The following MAST2 variants were observed in gnomAD, a reference collection of about 807,000 sequenced individuals.
MAST2 encodes the protein microtubule associated serine/threonine kinase 2, also known as microtubule-associated serine/threonine-protein kinase 2.
A neutral mutation model predicts 147.4 loss-of-function variants in MAST2; 70 were observed. The observed-to-expected ratio is 0.47, with a 90% confidence interval of 0.39 to 0.58. MAST2 has a LOEUF of 0.58. MAST2 is among the 20% of genes least tolerant of loss of function. The pLI is 0.00. For synonymous variants in MAST2, 869 were observed against 896.8 expected (o/e 0.97, Z 0.55); for missense variants, 2,080 against 2,302.3 (o/e 0.90, Z 1.98).
At chr1:46,020,094 G>A (rs1646123583) in intron 11 of MAST2, among the ~76,000 whole-genome samples, 2 of 152,230 alleles carry the variant, frequency 1.3e-5, no homozygotes, top group African/African-American at 4.8e-5. Context: ...CACAGTCTCT[G>A]ATCTTGGGAT....
At chr1:45,869,911 TTTTG>T (rs58270514) in intron 3 of MAST2, among the ~76,000 whole-genome samples, 65 of 150,922 alleles carry the variant, frequency 4.3e-4, no homozygotes, top group Non-Finnish European at 6.6e-4. Context: ...CCTGTGATTC[TTTTG>T]TTTGTTTGTT....
intron 3 of MAST2, among the ~76,000 whole-genome samples, chr1:45,834,516 G>A (rs569289164): frequency 6.6e-6 from 1 of 152,216 alleles, no homozygotes; most frequent in East Asian, 1.9e-4. Context: ...CCCAGGGCAT[G>A]TTCTAAAACA....
At position 45,997,625 on chromosome 1, in the gene MAST2, A is replaced by G. The variant is rs956547444; in HGVS notation, c.593-99A>G. On this transcript the variant is annotated intron_variant, in intron 5 of 28. Transcript: ENST00000361297. ...ATAGTGGCCCTGAGAAAATAACCAT[A>G]TAATTGCCAGTGCTAGGGGAATATT... 4.8e-6 allele frequency: 4 copies of G among 830,878 alleles called. No homozygotes were observed. In the African/African-American group the frequency reaches 5.0e-5, roughly 10 times the overall value. The allele number at this position is 830,878 out of a possible 1,614,324, so 51.5% of individuals were successfully genotyped here.
Position 46,022,069 on chromosome 1 carries a change from G to A in MAST2, c.1410G>A (p.Arg470=), listed in dbSNP as rs1646208653. ...TCGTTAGCCAGCTGGGCCTCACCCG[G>A]GATCCCCTAGAAGGTGAGCATGCTG... ...RYIVSQLGLT[R]DPLEEMAQLS... is the part of the protein sequence containing the mutation. Residue 470 remains arginine (R), a synonymous_variant, in exon 12 of 29, where the codon CGG becomes CGA. Coordinates refer to ENST00000361297, the MANE Select transcript of MAST2 (RefSeq NM_015112.3). The A allele has an allele frequency of 1.2e-6, 2 of 1,613,986 alleles. No individual in the cohort carries two copies. The highest frequency in any genetic ancestry group is 1.3e-5 in the African/African-American group (1 of 74,918).
chr1:45,937,309 T>G (rs1285723424), intron 4 of MAST2, among the ~76,000 whole-genome samples: 1 of 151,996 alleles, frequency 6.6e-6, no homozygotes. Flanking sequence ...CATTACTTTT[T>G]TTTTCTAGAA....
Position 46,031,567 on chromosome 1 carries a change from T to G in MAST2, c.3169T>G (p.Ser1057Ala). The change falls in exon 24 of 29, where the codon TCA becomes GCA. Residue 1057 changes from serine (S) to alanine (A), a missense_variant. Ser to Ala is a moderately conservative substitution (Grantham distance 99). This residue lies in a region of MAST2 where 1,278 missense variants were observed against 1,304.2 expected (regional missense o/e 0.98). Coordinates refer to ENST00000361297, the MANE Select transcript of MAST2 (RefSeq NM_015112.3). This position sits in a 1 kb window ranked among gnomAD's most constrained non-coding sequence, Gnocchi z 4.1. The part of the protein sequence containing the change: ...VIKSASATAL[S>A]LLIPSEHHTC... ...CAAGTCCGCCTCAGCCACAGCCCTCTCACTCCTCATTCCTTCGGGTGAGGC... is the reference window on the plus strand; with the variant it reads ...CAAGTCCGCCTCAGCCACAGCCCTCGCACTCCTCATTCCTTCGGGTGAGGC... The G allele has an allele frequency of 6.2e-7, 1 of 1,613,308 alleles. No individual in the cohort carries two copies. Among genetic ancestry groups the G allele is most frequent in the Non-Finnish European group, 8.5e-7 (1 of 1,179,314 alleles).
intron 4 of MAST2, among the ~76,000 whole-genome samples, chr1:45,954,060 C>T (rs1243413278): frequency 2.0e-5 from 3 of 152,106 alleles, no homozygotes; most frequent in Non-Finnish European, 2.9e-5. Context: ...CTTACTGAAA[C>T]AGAAGTGATC....
At chr1:45,804,130 T>G in intron 1 of MAST2, 58 bp downstream of exon 1, 8 of 1,252,176 alleles carry the variant, frequency 6.4e-6, no homozygotes, top group East Asian at 3.3e-5. Context: ...GGGGAGGGGA[T>G]CTTCGGCGGG....
chr1:45,956,693 G>T (rs1659706908), intron 4 of MAST2, among the ~76,000 whole-genome samples: 2 of 152,166 alleles, frequency 1.3e-5, no homozygotes, highest in South Asian at 4.1e-4. Context: ...TTTTAGCCAC[G>T]AAATCAAGTG....
intron 1 of MAST2, among the ~76,000 whole-genome samples, chr1:45,811,836 G>A (rs1474460232): frequency 1.7e-4 from 25 of 145,776 alleles, no homozygotes; most frequent in South Asian, 6.6e-4. Flanking sequence ...GGGTTTCACT[G>A]TGTTAGCCAG....
chr1:46,034,414 TGG>T lies in MAST2; in HGVS notation c.3869-121_3869-120del, dbSNP rs1308898569. 3.0e-6 allele frequency: 4 copies of T among 1,332,068 alleles called. No homozygotes were observed. In the African/African-American group the frequency reaches 5.9e-5, roughly 20 times the overall value. 82.5% of individuals were successfully genotyped at this position (1,332,068 alleles called of 1,614,324 possible). ...GTAGTCTTGGGGAGGAATTAATTGA[TGG>T]GGAAGGGGGTAGCTTGGTTTCTGGG... On this transcript the variant is annotated intron_variant, in intron 28 of 28. Transcript: ENST00000361297.
At chr1:46,015,243 C>A (rs1239008471) in intron 10 of MAST2, among the ~76,000 whole-genome samples, 2 of 151,792 alleles carry the variant, frequency 1.3e-5, no homozygotes, top group African/African-American at 2.4e-5. Context: ...AAAATTGACA[C>A]CCTAACATCA....
chr1:45,938,375 G>A (rs1225584424), intron 4 of MAST2, among the ~76,000 whole-genome samples: 1 of 152,200 alleles, frequency 6.6e-6, no homozygotes, highest in Non-Finnish European at 1.5e-5. Flanking sequence ...CCAGGTTGGA[G>A]TGTGGTGGTG....
intron 5 of MAST2, among the ~76,000 whole-genome samples, chr1:45,965,089 T>A (rs1301270558): frequency 6.6e-6 from 1 of 152,196 alleles, no homozygotes; most frequent in Non-Finnish European, 1.5e-5. Context: ...AGAGACAGTT[T>A]GTTACAATTT....
At chr1:46,008,839 G>A (rs1557468733) in intron 9 of MAST2, among the ~76,000 whole-genome samples, 1 of 152,234 alleles carries the variant, frequency 6.6e-6, no homozygotes, top group Non-Finnish European at 1.5e-5. Context: ...GACAGAAGTA[G>A]GCTGCACTGG....
intron 4 of MAST2, among the ~76,000 whole-genome samples, chr1:45,946,273 G>T (rs1483539949): frequency 6.6e-6 from 1 of 152,068 alleles, no homozygotes; most frequent in Non-Finnish European, 1.5e-5. Context: ...GAATTATCTT[G>T]TTTTCTTGGT....
At chr1:45,881,539 A>G (rs936479738) in intron 3 of MAST2, among the ~76,000 whole-genome samples, 1 of 152,224 alleles carries the variant, frequency 6.6e-6, no homozygotes, top group Non-Finnish European at 1.5e-5. Flanking sequence ...CTTGGAAAGC[A>G]AGTCACAGGG....
At chr1:45,818,073 C>A (rs1644510235) in intron 1 of MAST2, among the ~76,000 whole-genome samples, 1 of 152,028 alleles carries the variant, frequency 6.6e-6, no homozygotes, top group Non-Finnish European at 1.5e-5. Flanking sequence ...GTGAATATGG[C>A]GGGAGGGAAA....
At chr1:46,029,645 A>G in intron 19 of MAST2, 78 bp downstream of exon 19, 1 of 1,455,744 alleles carries the variant, frequency 6.9e-7, no homozygotes. Context: ...CTGGAGGTTC[A>G]GGCTTCGGTT....
Sources: gnomAD v4.1 joint callset for allele counts (sites outside exome capture counted in the v4.1 genomes callset) on GRCh38, gnomAD v4.1.1 for gene constraint, gnomAD v4.1.1 regional missense constraint, Gnocchi (gnomAD v3.1) non-coding constraint, MANE v1.5 for transcripts, NCBI Gene and HGNC (gene_info 2026-07-23, HGNC 2026-07-21) for gene names.